Variants in UBXN10 observed in about 807,000 individuals in gnomAD.
UBXN10 encodes the protein UBX domain-containing protein 10.
UBXN10 carries 6 observed loss-of-function variants against 6.9 expected under a neutral mutation model. That is an observed-to-expected ratio of 0.87 (90% confidence interval 0.48 to 1.72). The LOEUF is 1.72. UBXN10 is among the 40% of genes most tolerant of loss of function. The pLI, the probability that UBXN10 is intolerant of heterozygous loss-of-function variation, is 0.01. For synonymous variants in UBXN10, 131 were observed against 135.2 expected (o/e 0.97, Z 0.21); for missense variants, 317 against 348.4 (o/e 0.91, Z 0.72).
At chr1:20,189,659 C>T (rs1454088173) in intron 1 of UBXN10, among the ~76,000 whole-genome samples, 6 of 151,686 alleles carry the variant, frequency 4.0e-5, no homozygotes, top group East Asian at 1.9e-4. Context: ...ACCTGGGAGG[C>T]GGAGATTGCA....
chr1:20,193,856 G>GC lies in UBXN10; in HGVS notation c.*2457dup, dbSNP rs1489806739. Reference sequence around the variant, plus strand: ...CTCCACATGTTGCATTGCAGCTGAGGCCCCCTGTCCTAAATGGGCTCAACC... The same window carrying GC: ...CTCCACATGTTGCATTGCAGCTGAGGCCCCCCTGTCCTAAATGGGCTCAACC... On this transcript the variant is annotated 3_prime_UTR_variant, in exon 2 of 2. Coordinates refer to ENST00000375099, the MANE Select transcript of UBXN10 (RefSeq NM_152376.5). 25 of 166,898 alleles carry GC rather than the reference G, an allele frequency of 1.5e-4. No individual in the cohort carries two copies. The allele number at this position is 166,898 out of a possible 1,614,324, so 10.3% of individuals were successfully genotyped here.
rs1389628757 is a variant in UBXN10 at position 20,193,200 on chromosome 1, A to G, written c.*1796A>G. 6.0e-6 allele frequency: 1 copy of G among 167,216 alleles called. No individual in the cohort carries two copies. The highest frequency in any genetic ancestry group is 6.5e-5 in the Admixed American group (1 of 15,304). 10.4% of individuals were successfully genotyped at this position (167,216 alleles called of 1,614,324 possible). On this transcript the variant is annotated 3_prime_UTR_variant, in exon 2 of 2. Transcript: ENST00000375099. ...TAGGAGGCTGGGGGAAGAGCCTCCC[A>G]TAAAATCACACCTACTCTGTGGTAA...
chr1:20,185,049 G>A (rs2018343418), upstream of UBXN10, among the ~76,000 whole-genome samples: 2 of 152,146 alleles, frequency 1.3e-5, no homozygotes, highest in Admixed American at 1.3e-4. Context: ...AGCTACAAGG[G>A]AGGCTGAGCT....
chr1:20,190,870 A>C lies in UBXN10; in HGVS notation c.309A>C (p.Val103=). Residue 103 remains valine, a synonymous_variant, in exon 2 of 2, where the codon GTA becomes GTC. Transcript: ENST00000375099. ...SDEIPELQQQ[V]PTGASSSLNK... The stretch of plus-strand genomic sequence containing the variant: ...AGATCCCTGAGCTGCAGCAGCAAGT[A>C]CCCACTGGGGCTTCCTCTTCTCTCA... 1 of 1,614,050 alleles carries C rather than the reference A, an allele frequency of 6.2e-7. No homozygotes were observed. Among genetic ancestry groups the C allele is most frequent in the East Asian group, 2.2e-5 (1 of 44,880 alleles).
At chr1:20,184,558 T>C (rs887377585), upstream of UBXN10, 2 of 152,308 alleles carry the variant, frequency 1.3e-5, no homozygotes, top group Admixed American at 1.3e-4. Context: ...AGACTTCCCT[T>C]CTGAGACGAG....
chr1:20,188,155 G>C (rs1197964335), intron 1 of UBXN10, among the ~76,000 whole-genome samples: 1 of 152,216 alleles, frequency 6.6e-6, no homozygotes, highest in Non-Finnish European at 1.5e-5. Flanking sequence ...AGACTAAAGG[G>C]GGAAAAACAC....
upstream of UBXN10, among the ~76,000 whole-genome samples, chr1:20,184,916 G>A (rs767659012): frequency 6.6e-6 from 1 of 152,126 alleles, no homozygotes; most frequent in African/African-American, 2.4e-5. Context: ...CACTTTGGGA[G>A]GCTGAGGCGG....
chr1:20,190,985 C>T lies in UBXN10; in HGVS notation c.424C>T (p.Leu142=), dbSNP rs780073866. ...TGCCAAAAAGGCCAGCTCACTGCAACTGAGCAGTATCCGGGCTCTTTACCA... is the reference window on the plus strand; with the variant it reads ...TGCCAAAAAGGCCAGCTCACTGCAATTGAGCAGTATCCGGGCTCTTTACCA... ...TVAKKASSLQ[L]SSIRALYQDE... The change falls in exon 2 of 2, where the codon CTG becomes TTG. Residue 142 remains leucine (L), a synonymous_variant. Coordinates refer to ENST00000375099, the MANE Select transcript of UBXN10 (RefSeq NM_152376.5). 6.2e-7 allele frequency: 1 copy of T among 1,614,172 alleles called. No homozygotes were observed. Among genetic ancestry groups the T allele is most frequent in the Non-Finnish European group, 8.5e-7 (1 of 1,180,052 alleles).
At position 20,190,888 on chromosome 1, in the gene UBXN10, T is replaced by C; in HGVS notation, c.327T>C (p.Ser109=). Reference sequence around the variant, plus strand: ...AGCAAGTACCCACTGGGGCTTCCTCTTCTCTCAATAAGTATCCAGTCCTTC... The same window carrying C: ...AGCAAGTACCCACTGGGGCTTCCTCCTCTCTCAATAAGTATCCAGTCCTTC... ...LQQQVPTGAS[S]SLNKYPVLPS... is the part of the protein sequence containing the mutation. Residue 109 remains serine (S), a synonymous_variant, in exon 2 of 2, where the codon TCT becomes TCC. Transcript: ENST00000375099. 6.2e-7 allele frequency: 1 copy of C among 1,614,090 alleles called. No individual in the cohort carries two copies. Among genetic ancestry groups the C allele is most frequent in the South Asian group, 1.1e-5 (1 of 91,072 alleles).
upstream of UBXN10, among the ~76,000 whole-genome samples, chr1:20,185,653 A>G (rs1354331560): frequency 6.6e-6 from 1 of 152,090 alleles, no homozygotes; most frequent in African/African-American, 2.4e-5. Context: ...TGCTCCCCGC[A>G]ACTCAGATAC....
chr1:20,191,269 C>CCGA lies in UBXN10; in HGVS notation c.710_712dup (p.Arg237dup). On this transcript the variant is annotated inframe_insertion, in exon 2 of 2. Transcript: ENST00000375099. This position sits in a 1 kb window ranked among gnomAD's most constrained non-coding sequence, Gnocchi z 4.5. The stretch of plus-strand genomic sequence containing the variant: ...CCGAACAGAAAAACAAAACCTCCTA[C>CCGA]CGACACTGCAGCATTGAAACAATGG... The CCGA allele has an allele frequency of 6.2e-7, 1 of 1,614,202 alleles. No homozygotes were observed.
chr1:20,190,660 T>C lies in UBXN10; in HGVS notation c.99T>C (p.Asn33=). ...TCATTTGGCAGCCAAACTCACTAAA[T>C]ATGCACATGATAAGGCCCAAGTCCG... ...DSLIWQPNSL[N]MHMIRPKSAK... Residue 33 remains asparagine, a synonymous_variant, in exon 2 of 2, where the codon AAT becomes AAC. Coordinates refer to ENST00000375099, the MANE Select transcript of UBXN10 (RefSeq NM_152376.5). The C allele has an allele frequency of 6.2e-7, 1 of 1,612,384 alleles. No homozygotes were observed. The highest frequency in any genetic ancestry group is 8.5e-7 in the Non-Finnish European group (1 of 1,179,896).
rs757886944 is a variant in UBXN10, at chr1:20,191,299, G to A, written c.738G>A (p.Val246=). 5.6e-6 allele frequency: 9 copies of A among 1,614,070 alleles called. No homozygotes were observed. The African/African-American group carries it at 9.3e-5, about 17-fold the overall frequency. The part of the protein sequence containing the change: ...YRHCSIETME[V]PRRRFSDLTK... ...ACTGCAGCATTGAAACAATGGAGGT[G>A]CCCAGGAGGCGATTTTCTGACCTCA... The change falls in exon 2 of 2, where the codon GTG becomes GTA. Residue 246 remains valine (V), a synonymous_variant. Coordinates refer to ENST00000375099, the MANE Select transcript of UBXN10 (RefSeq NM_152376.5). This position sits in a 1 kb window ranked among gnomAD's most constrained non-coding sequence, Gnocchi z 4.5.
In UBXN10 at chr1:20,186,126, C is replaced by T. The variant is rs2018381729; in HGVS notation, c.-43C>T. 6.6e-6 allele frequency: 1 copy of T among 152,520 alleles called. No homozygotes were observed. Among genetic ancestry groups the T allele is most frequent in the Non-Finnish European group, 1.5e-5 (1 of 68,346 alleles). 9.4% of individuals were successfully genotyped at this position (152,520 alleles called of 1,614,324 possible). A position where few individuals can be genotyped will look rare whatever the true frequency, so the allele number is the denominator to read the frequency against. ...TTACCAGCAGGACAGAGCCCGGGCG[C>T]AGGCGGCGGATGGAGCGGAACGGCT... is the stretch of plus-strand genomic sequence containing the variant. On this transcript the variant is annotated 5_prime_UTR_variant, in exon 1 of 2. Transcript: ENST00000375099.
chr1:20,189,162 GAC>G (rs1261213186), intron 1 of UBXN10, among the ~76,000 whole-genome samples: 9 of 152,110 alleles, frequency 5.9e-5, no homozygotes, highest in Admixed American at 6.5e-5. Flanking sequence ...CACACTTTGT[GAC>G]ACCTGGTCCT....
At position 20,193,633 on chromosome 1, in the gene UBXN10, T is replaced by C. The variant is rs2018548069; in HGVS notation, c.*2229T>C. The C allele has an allele frequency of 6.0e-6, 1 of 167,084 alleles. No individual in the cohort carries two copies. 10.4% of individuals were successfully genotyped at this position (167,084 alleles called of 1,614,324 possible). A position where few individuals can be genotyped will look rare whatever the true frequency, so the allele number is the denominator to read the frequency against. ...CTCATTGGGAAAGCACTTGTTCCAC[T>C]GTTAGAACCAAGTCCTCCTCCCCGG... On this transcript the variant is annotated 3_prime_UTR_variant, in exon 2 of 2. Coordinates refer to ENST00000375099, the MANE Select transcript of UBXN10 (RefSeq NM_152376.5).
chr1:20,192,364 C>T lies in UBXN10; in HGVS notation c.*960C>T, dbSNP rs1297398922. 6.0e-6 allele frequency: 1 copy of T among 167,124 alleles called. No individual in the cohort carries two copies. Among genetic ancestry groups the T allele is most frequent in the East Asian group, 1.9e-4 (1 of 5,202 alleles). The allele number at this position is 167,124 out of a possible 1,614,324, so 10.4% of individuals were successfully genotyped here. A position where few individuals can be genotyped will look rare whatever the true frequency, so the allele number is the denominator to read the frequency against. ...TCCTTTGGAGCTGTGACAGAGGTGC[C>T]TGTTCTGACTTAGAACCTCTGGAGG... On this transcript the variant is annotated 3_prime_UTR_variant, in exon 2 of 2. Coordinates refer to ENST00000375099, the MANE Select transcript of UBXN10 (RefSeq NM_152376.5).
At chr1:20,189,546 T>G (rs1446517990) in intron 1 of UBXN10, among the ~76,000 whole-genome samples, 1 of 152,036 alleles carries the variant, frequency 6.6e-6, no homozygotes, top group Non-Finnish European at 1.5e-5. Flanking sequence ...CACACAGACT[T>G]TTGGTGGGAG....
chr1:20,185,642 C>T (rs1045744546), upstream of UBXN10, among the ~76,000 whole-genome samples: 1 of 152,188 alleles, frequency 6.6e-6, no homozygotes, highest in Admixed American at 6.5e-5. Context: ...GATGGGGGCC[C>T]TGCTCCCCGC....
Sources: gnomAD v4.1 joint callset for allele counts (sites outside exome capture counted in the v4.1 genomes callset) on GRCh38, gnomAD v4.1.1 for gene constraint, Gnocchi (gnomAD v3.1) non-coding constraint, MANE v1.5 for transcripts, NCBI Gene and HGNC (gene_info 2026-07-23, HGNC 2026-07-21) for gene names.